DOCK4: variants seen among roughly 807,000 people sequenced by gnomAD.
DOCK4 encodes dedicator of cytokinesis protein 4.
A neutral mutation model predicts 268.1 loss-of-function variants in DOCK4; 97 were observed. The ratio of observed to expected loss-of-function variants is 0.36; its 90% confidence interval spans 0.31 to 0.43. DOCK4 has a LOEUF of 0.43. DOCK4 is among the 20% of genes least tolerant of loss of function. DOCK4 has a pLI of 1.00. For synonymous variants in DOCK4, 954 were observed against 887.2 expected (o/e 1.08, Z -1.34); for missense variants, 2,145 against 2,455.7 (o/e 0.87, Z 2.67).
chr7:111,812,636 C>A (rs1801225045), intron 27 of DOCK4, among the ~76,000 whole-genome samples: 1 of 152,138 alleles, frequency 6.6e-6, no homozygotes, highest in Non-Finnish European at 1.5e-5. Context: ...AGCCCAAAGA[C>A]AAAATAGATA....
At chr7:111,786,628 A>G (rs1799188677) in intron 32 of DOCK4, among the ~76,000 whole-genome samples, 1 of 152,210 alleles carries the variant, frequency 6.6e-6, no homozygotes, top group Non-Finnish European at 1.5e-5. Flanking sequence ...CAATTTAGGA[A>G]GCAGTGAACT....
chr7:112,111,830 T>A (rs1811681582), intron 1 of DOCK4, among the ~76,000 whole-genome samples: 1 of 152,146 alleles, frequency 6.6e-6, no homozygotes, highest in Admixed American at 6.5e-5. Context: ...AAGAGTTGAG[T>A]AGGCTACATA....
intron 1 of DOCK4, among the ~76,000 whole-genome samples, chr7:112,007,674 G>A (rs1212550643): frequency 6.6e-6 from 1 of 152,000 alleles, no homozygotes; most frequent in Non-Finnish European, 1.5e-5. Flanking sequence ...TTGAAAATAT[G>A]GTTGGCTCAT....
At chr7:111,915,132 C>T (rs908628153) in intron 13 of DOCK4, among the ~76,000 whole-genome samples, 1 of 152,128 alleles carries the variant, frequency 6.6e-6, no homozygotes, top group Non-Finnish European at 1.5e-5. Flanking sequence ...TGCTTTTAAA[C>T]ATTTATTTTC....
At chr7:111,806,438 G>T (rs1800683359) in intron 30 of DOCK4, among the ~76,000 whole-genome samples, 1 of 152,154 alleles carries the variant, frequency 6.6e-6, no homozygotes, top group African/African-American at 2.4e-5. Flanking sequence ...TATTTGGGAA[G>T]TCTTTGCAAA....
intron 30 of DOCK4, among the ~76,000 whole-genome samples, chr7:111,799,845 A>G (rs1314248620): frequency 6.6e-6 from 1 of 152,214 alleles, no homozygotes; most frequent in Non-Finnish European, 1.5e-5. Flanking sequence ...CAAGTAAAGA[A>G]ATAATTTTAT....
rs60927002 is a variant in DOCK4 at position 112,156,113 on chromosome 7, ACCC to A, written c.37+49986_37+49988del. Among the ~76,000 whole-genome samples the A allele has an allele frequency of 3.4e-3, 511 of 152,148 alleles. 1 individual carries two copies. Among genetic ancestry groups the A allele is most frequent in the African/African-American group, 0.012 (486 of 41,508 alleles). On this transcript the variant is annotated intron_variant, in intron 1 of 52. Transcript: ENST00000428084. ...GGAGGCTGACACACTAGAGTCTCTT[ACCC>A]AACCTACACAACCTTGAAATTGTAC...
intron 50 of DOCK4, among the ~76,000 whole-genome samples, 158 bp from the exon 51 acceptor site, chr7:111,735,325 C>T (rs570091035): frequency 6.6e-6 from 1 of 152,332 alleles, no homozygotes; most frequent in South Asian, 2.1e-4. Context: ...ATTTAATTGG[C>T]TGCCTAACAG....
intron 1 of DOCK4, among the ~76,000 whole-genome samples, chr7:112,144,586 T>C (rs953412218): frequency 6.6e-6 from 1 of 152,134 alleles, no homozygotes; most frequent in African/African-American, 2.4e-5. Flanking sequence ...GACCAGGGTA[T>C]CTCCAGGATG....
At chr7:111,893,384 T>C (rs1409260384) in intron 16 of DOCK4, among the ~76,000 whole-genome samples, 1 of 152,124 alleles carries the variant, frequency 6.6e-6, no homozygotes, top group African/African-American at 2.4e-5. Flanking sequence ...CTCAGACCCA[T>C]AGGTGACAGG....
intron 1 of DOCK4, among the ~76,000 whole-genome samples, chr7:112,113,991 CT>C: frequency 6.6e-6 from 1 of 152,166 alleles, no homozygotes; most frequent in Middle Eastern, 3.4e-3. Flanking sequence ...CCACAAACAG[CT>C]CTTGCCTTGA....
At chr7:112,007,443 T>G (rs1800951543) in intron 1 of DOCK4, among the ~76,000 whole-genome samples, 1 of 152,172 alleles carries the variant, frequency 6.6e-6, no homozygotes, top group African/African-American at 2.4e-5. Context: ...AGTTTTAAAC[T>G]GCGGATCATA....
chr7:111,954,349 A>C (rs1796289718), intron 8 of DOCK4, among the ~76,000 whole-genome samples: 1 of 152,178 alleles, frequency 6.6e-6, no homozygotes, highest in African/African-American at 2.4e-5. Context: ...GCAGTTCTGC[A>C]GTGGCCGCTG....
intron 44 of DOCK4, among the ~76,000 whole-genome samples, chr7:111,743,456 C>T (rs1313140105): frequency 6.6e-6 from 1 of 152,092 alleles, no homozygotes; most frequent in African/African-American, 2.4e-5. Flanking sequence ...ATCAAGGATG[C>T]CTTTGAAAGG....
intron 44 of DOCK4, among the ~76,000 whole-genome samples, chr7:111,743,595 T>C (rs1018962354): frequency 1.3e-5 from 2 of 152,148 alleles, no homozygotes; most frequent in African/African-American, 4.8e-5. Flanking sequence ...AACACTAGCG[T>C]TGGGTGACTT....
At chr7:111,732,585 C>T (rs1427159451) in intron 51 of DOCK4, 1 of 415,512 alleles carries the variant, frequency 2.4e-6, no homozygotes, top group African/African-American at 2.0e-5. Flanking sequence ...TCCCCAAAGT[C>T]CAGGTGCTTC....
At chr7:112,128,282 G>A (rs951714661) in intron 1 of DOCK4, among the ~76,000 whole-genome samples, 9 of 151,606 alleles carry the variant, frequency 5.9e-5, no homozygotes, top group East Asian at 1.9e-4. Flanking sequence ...CGCCCCGTCC[G>A]GGAGGGAGGT....
intron 27 of DOCK4, chr7:111,821,496 A>G (rs181951937): frequency 6.6e-6 from 1 of 152,268 alleles, no homozygotes; most frequent in African/African-American, 2.4e-5. Flanking sequence ...TGGAGAGAGC[A>G]GATAAATCCA....
At chr7:111,961,372 A>G (rs1218227641) in intron 8 of DOCK4, among the ~76,000 whole-genome samples, 1 of 151,932 alleles carries the variant, frequency 6.6e-6, no homozygotes, top group African/African-American at 2.4e-5. Flanking sequence ...CTCTACAAAC[A>G]CTCAAAGGGT....
Sources: gnomAD v4.1 joint callset for allele counts (sites outside exome capture counted in the v4.1 genomes callset) on GRCh38, gnomAD v4.1.1 for gene constraint, MANE v1.5 for transcripts, NCBI Gene and HGNC (gene_info 2026-07-23, HGNC 2026-07-21) for gene names.